The following KCNIP4 variants were observed in gnomAD, a reference collection of about 807,000 sequenced individuals.
KCNIP4 encodes the protein potassium voltage-gated channel interacting protein 4, also known as Kv channel-interacting protein 4.
In KCNIP4, 12 loss-of-function variants were observed where a neutral mutation model predicts 34.0. The ratio of observed to expected loss-of-function variants is 0.35; its 90% CI spans 0.23 to 0.57. The LOEUF (loss-of-function observed/expected upper bound fraction) is 0.57, where lower values mean the gene tolerates loss of function less well. KCNIP4 is among the 20% of genes least tolerant of loss of function. KCNIP4 has a pLI of 0.83. For missense variants in KCNIP4, 238 were observed against 311.7 expected, an observed-to-expected ratio of 0.76 and a Z score of 1.78; for synonymous variants, 124 against 102.2, an observed-to-expected ratio of 1.21 and a Z score of -1.29.
chr4:20,935,374 C>A (rs191577216), intron 1 of KCNIP4, among the ~76,000 whole-genome samples: 3 of 152,102 alleles, frequency 2.0e-5, no homozygotes, highest in African/African-American at 4.8e-5. Context: ...AGCTTCCAAG[C>A]GCTTGCCAAA....
At chr4:20,752,445 A>G (rs1753826874) in intron 4 of KCNIP4, 1 of 152,214 alleles carries the variant, frequency 6.6e-6, no homozygotes, top group Non-Finnish European at 1.5e-5. Flanking sequence ...ATTTCAGTAA[A>G]TATTAGCTAT....
At chr4:21,038,553 G>T (rs1321192699) in intron 1 of KCNIP4, among the ~76,000 whole-genome samples, 1 of 152,060 alleles carries the variant, frequency 6.6e-6, no homozygotes, top group Admixed American at 6.5e-5. Context: ...TTGGTTGAAG[G>T]AGGGCTTCGA....
At chr4:21,320,030 G>A (rs1387952584) in intron 1 of KCNIP4, among the ~76,000 whole-genome samples, 1 of 152,146 alleles carries the variant, frequency 6.6e-6, no homozygotes, top group Non-Finnish European at 1.5e-5. Flanking sequence ...TCTTACTGTA[G>A]TTCATCATCA....
intron 1 of KCNIP4, among the ~76,000 whole-genome samples, chr4:21,570,605 A>G (rs1281436168): frequency 6.6e-6 from 1 of 152,170 alleles, no homozygotes; most frequent in Admixed American, 6.5e-5. Context: ...AGAAGGATAT[A>G]TAACTCAATA....
At chr4:21,044,782 C>A (rs1031826602) in intron 1 of KCNIP4, among the ~76,000 whole-genome samples, 1 of 152,188 alleles carries the variant, frequency 6.6e-6, no homozygotes, top group African/African-American at 2.4e-5. Context: ...CTGTCTAAGC[C>A]ACTCTGATCA....
At position 20,843,555 on chromosome 4, in the gene KCNIP4, C is replaced by T. The variant is rs1362649243; in HGVS notation, c.288+6988G>A. Among the ~76,000 whole-genome samples the T allele has an allele frequency of 2.6e-5, 4 of 152,122 alleles. No individual in the cohort carries two copies. In the South Asian group the frequency reaches 6.2e-4, roughly 24 times the overall value. On this transcript the variant is annotated intron_variant, in intron 3 of 8. Coordinates refer to ENST00000382152, the MANE Select transcript of KCNIP4 (RefSeq NM_025221.6). The stretch of plus-strand genomic sequence containing the variant: ...GACCAGCCTGGCCAACATGGTGAAA[C>T]CCCGTCTCTACCAAAAGTAGAAAAA...
intron 1 of KCNIP4, among the ~76,000 whole-genome samples, chr4:21,438,623 A>G (rs960058986): frequency 3.6e-4 from 55 of 152,230 alleles, no homozygotes; most frequent in African/African-American, 1.1e-3. Flanking sequence ...TGGTTATATG[A>G]AAAAAGGTAA....
At chr4:21,467,731 A>G (rs189075737) in intron 1 of KCNIP4, among the ~76,000 whole-genome samples, 467 of 152,270 alleles carry the variant, frequency 3.1e-3, no homozygotes, top group African/African-American at 0.011. Context: ...GGCTTTTGGA[A>G]AAAAAGAGCA....
At chr4:21,930,258 G>A (rs1046559891) in intron 1 of KCNIP4, among the ~76,000 whole-genome samples, 2 of 152,066 alleles carry the variant, frequency 1.3e-5, no homozygotes, top group African/African-American at 4.8e-5. Flanking sequence ...GATACAGATT[G>A]TCTTCTTGAT....
intron 1 of KCNIP4, among the ~76,000 whole-genome samples, chr4:21,393,070 A>T (rs938508954): frequency 1.3e-5 from 2 of 152,180 alleles, no homozygotes; most frequent in Non-Finnish European, 2.9e-5. Context: ...TGTTGTGATG[A>T]TGTATCACTG....
intron 1 of KCNIP4, among the ~76,000 whole-genome samples, chr4:21,121,005 G>A (rs1038641157): frequency 1.3e-5 from 2 of 152,212 alleles, no homozygotes; most frequent in Non-Finnish European, 2.9e-5. Flanking sequence ...AAAGGAAGCT[G>A]AGTGTGTGAC....
intron 1 of KCNIP4, among the ~76,000 whole-genome samples, chr4:21,814,576 A>G (rs1190046169): frequency 6.6e-6 from 1 of 152,120 alleles, no homozygotes; most frequent in Non-Finnish European, 1.5e-5. Flanking sequence ...TTTATAAATT[A>G]CCCAGTCTCA....
rs183679902 is a variant in KCNIP4 at position 20,969,383 on chromosome 4, C to T, written c.62-86674G>A. Among the ~76,000 whole-genome samples the T allele has an allele frequency of 8.9e-4, 135 of 152,310 alleles. 1 individual carries two copies. The highest frequency in any genetic ancestry group is 1.5e-3 in the Non-Finnish European group (100 of 68,032). Reference sequence around the variant, plus strand: ...ACAAAGTTTCTTGGAATCACCAACACCCACTAACACTGAGCTTGCCAACAT... The same window carrying T: ...ACAAAGTTTCTTGGAATCACCAACATCCACTAACACTGAGCTTGCCAACAT... On this transcript the variant is annotated intron_variant, in intron 1 of 8. Coordinates refer to ENST00000382152, the MANE Select transcript of KCNIP4 (RefSeq NM_025221.6).
chr4:20,923,081 A>C (rs972532527), intron 1 of KCNIP4, among the ~76,000 whole-genome samples: 6 of 152,190 alleles, frequency 3.9e-5, no homozygotes, highest in Admixed American at 3.9e-4. Context: ...AGACTCCAGC[A>C]GTGTCACCAA....
chr4:21,691,567 C>T (rs1356917705), intron 1 of KCNIP4, among the ~76,000 whole-genome samples: 1 of 151,728 alleles, frequency 6.6e-6, no homozygotes, highest in South Asian at 2.1e-4. Flanking sequence ...CCTCGGTAGT[C>T]TTTGTCTTGT....
chr4:21,935,780 A>G (rs1235529650), intron 1 of KCNIP4, among the ~76,000 whole-genome samples: 1 of 152,100 alleles, frequency 6.6e-6, no homozygotes, highest in Non-Finnish European at 1.5e-5. Flanking sequence ...ACTCACATTT[A>G]TAGGGCCTTA....
chr4:21,810,982 AT>A (rs1560731868), intron 1 of KCNIP4, among the ~76,000 whole-genome samples: 1 of 151,950 alleles, frequency 6.6e-6, no homozygotes, highest in African/African-American at 2.4e-5. Flanking sequence ...TAACATGAAA[AT>A]TTTTTTTAGC....
chr4:21,082,920 A>G (rs1056440818), intron 1 of KCNIP4, among the ~76,000 whole-genome samples: 2 of 132,978 alleles, frequency 1.5e-5, no homozygotes, highest in African/African-American at 5.3e-5. Context: ...TCTAAAATTT[A>G]TGTATACACA....
At chr4:21,421,531 A>T in intron 1 of KCNIP4, among the ~76,000 whole-genome samples, 1 of 152,192 alleles carries the variant, frequency 6.6e-6, no homozygotes, top group Admixed American at 6.5e-5. Context: ...CAGAAAGACA[A>T]ATACTGCATG....
Sources: allele counts gnomAD v4.1 joint callset (sites outside exome capture counted in the v4.1 genomes callset), GRCh38; gene constraint gnomAD v4.1.1; transcripts MANE v1.5; gene names NCBI Gene and HGNC (gene_info 2026-07-23, HGNC 2026-07-21).